The following RGS22 variants were observed in gnomAD, a reference collection of about 807,000 sequenced individuals.
The protein encoded by RGS22 is regulator of G protein signaling 22.
RGS22 carries 148 observed loss-of-function variants against 172.9 expected under a neutral mutation model. The ratio of observed to expected loss-of-function variants is 0.86; its 90% CI spans 0.75 to 0.98. RGS22 has a LOEUF of 0.98. Among genes scored for constraint, RGS22 ranks in the 50% least tolerant of loss-of-function variants. RGS22 has a pLI of 0.00. For missense variants in RGS22, 1,347 were observed against 1,440.8 expected (o/e 0.93, Z 1.05); for synonymous variants, 458 against 480.2 (o/e 0.95, Z 0.60).
chr8:100,050,397 G>C (rs1197430663), intron 10 of RGS22, among the ~76,000 whole-genome samples: 1 of 152,204 alleles, frequency 6.6e-6, no homozygotes. Flanking sequence ...CTGTATGTCT[G>C]AACAGTTCTG....
intron 14 of RGS22, among the ~76,000 whole-genome samples, chr8:100,018,922 G>C (rs368279909): frequency 6.6e-5 from 10 of 150,458 alleles, no homozygotes; most frequent in African/African-American, 2.4e-4. Context: ...ATAAGGTCTA[G>C]ATAAACATAC....
At chr8:100,083,526 C>A (rs1274419982) in intron 3 of RGS22, among the ~76,000 whole-genome samples, 1 of 151,898 alleles carries the variant, frequency 6.6e-6, no homozygotes, top group Non-Finnish European at 1.5e-5. Flanking sequence ...CACCACCATG[C>A]CAAGCTAATT....
intron 27 of RGS22, among the ~76,000 whole-genome samples, chr8:99,961,667 G>A (rs563383479): frequency 2.0e-5 from 3 of 152,264 alleles, no homozygotes; most frequent in Admixed American, 6.5e-5. Flanking sequence ...TAATACAGTT[G>A]TCATAAGGAT....
intron 14 of RGS22, among the ~76,000 whole-genome samples, chr8:100,020,789 CA>C (rs1183782689): frequency 1.3e-5 from 2 of 152,142 alleles, no homozygotes; most frequent in Non-Finnish European, 2.9e-5. Flanking sequence ...ATATTAAAAA[CA>C]AAAATAATGA....
chr8:100,080,190 C>T lies in RGS22; in HGVS notation c.283G>A (p.Val95Ile), dbSNP rs1563710603. ...TCTTCATCGGGGGCATTCATTTGAA[C>T]AGGTTTAACCTCATTCTTTCCTTTC... The part of the protein sequence containing the change: ...VRKGKNEVKP[V>I]QMNAPDEDET... The change falls in exon 4 of 28, where the codon GTT (valine) becomes ATT (isoleucine). Residue 95 changes from valine (V) to isoleucine (I), a missense_variant. Val to Ile is a conservative substitution (Grantham distance 29). Transcript: ENST00000360863. 2 of 1,613,632 alleles carry T rather than the reference C, an allele frequency of 1.2e-6. No individual in the cohort carries two copies. Among genetic ancestry groups the T allele is most frequent in the East Asian group, 4.5e-5 (2 of 44,842 alleles).
intron 17 of RGS22, 39 bp from the exon 18 acceptor site, chr8:100,002,403 T>G: frequency 6.4e-7 from 1 of 1,553,438 alleles, no homozygotes; most frequent in East Asian, 2.3e-5. Context: ...CTCTTCATAT[T>G]TCTTCCTCTA....
At chr8:100,063,064 A>T (rs1810271448) in intron 8 of RGS22, among the ~76,000 whole-genome samples, 1 of 152,184 alleles carries the variant, frequency 6.6e-6, no homozygotes, top group Admixed American at 6.5e-5. Context: ...ATTTTATGCT[A>T]GTGTGGTTAT....
At chr8:99,986,497 T>C (rs1181975594) in intron 21 of RGS22, among the ~76,000 whole-genome samples, 1 of 152,208 alleles carries the variant, frequency 6.6e-6, no homozygotes, top group East Asian at 1.9e-4. Flanking sequence ...TGCAAGGAAA[T>C]GAGCCTGCTA....
intron 14 of RGS22, among the ~76,000 whole-genome samples, chr8:100,026,648 T>C (rs1818208562): frequency 1.3e-5 from 2 of 152,218 alleles, no homozygotes; most frequent in Non-Finnish European, 2.9e-5. Flanking sequence ...TGGGTGGAGA[T>C]GTCAGGAACA....
intron 3 of RGS22, chr8:100,093,217 A>AGT (rs1387596831): frequency 9.6e-6 from 4 of 417,664 alleles, no homozygotes; most frequent in Non-Finnish European, 8.7e-6. Context: ...GTTTGTACAG[A>AGT]ATGCTTTTTA....
chr8:99,973,880 A>AC (rs1811640226), intron 23 of RGS22, among the ~76,000 whole-genome samples: 1 of 151,766 alleles, frequency 6.6e-6, no homozygotes, highest in African/African-American at 2.4e-5. Context: ...AAAAAAAAAA[A>AC]AACAAAAAAA....
At chr8:100,093,570 T>C in intron 2 of RGS22, 61 bp from the exon 3 acceptor site, 1 of 1,097,926 alleles carries the variant, frequency 9.1e-7, no homozygotes, top group Non-Finnish European at 1.4e-6. Flanking sequence ...CATGCCTATA[T>C]TATTCTCTAT....
At chr8:100,090,719 A>G (rs1349801780) in intron 3 of RGS22, among the ~76,000 whole-genome samples, 1 of 152,150 alleles carries the variant, frequency 6.6e-6, no homozygotes, top group Non-Finnish European at 1.5e-5. Context: ...TATCTCAGAG[A>G]AGAGCATGCC....
In RGS22 at chr8:99,989,901, TAGATATAG is replaced by T. The variant is rs1408766829; in HGVS notation, c.3019-2290_3019-2283del. Among the ~76,000 whole-genome samples the T allele has an allele frequency of 2.2e-3, 333 of 151,088 alleles. 1 individual carries two copies. The highest frequency in any genetic ancestry group is 6.2e-3 in the African/African-American group (254 of 41,078). The stretch of plus-strand genomic sequence containing the variant: ...ATAGATAGATAGATAGATAGATAGA[TAGATATAG>T]ATAGATAGATAGACAGATAGACAGA... On this transcript the variant is annotated intron_variant, in intron 20 of 27. Coordinates refer to ENST00000360863, the MANE Select transcript of RGS22 (RefSeq NM_015668.5).
intron 14 of RGS22, among the ~76,000 whole-genome samples, chr8:100,019,597 G>A (rs538683133): frequency 1.3e-5 from 2 of 152,258 alleles, no homozygotes; most frequent in South Asian, 2.1e-4. Flanking sequence ...CTCGTAGAGC[G>A]TATCACCAGA....
intron 9 of RGS22, among the ~76,000 whole-genome samples, chr8:100,058,010 C>T (rs890653362): frequency 6.6e-6 from 1 of 151,984 alleles, no homozygotes; most frequent in African/African-American, 2.4e-5. Context: ...ATAAATTTAA[C>T]AAAGATATTA....
chr8:99,983,184 T>C (rs966652362), intron 21 of RGS22, among the ~76,000 whole-genome samples: 6 of 152,210 alleles, frequency 3.9e-5, no homozygotes, highest in Middle Eastern at 3.2e-3. Context: ...ATGTACCACA[T>C]TTTCTTTATC....
chr8:100,035,752 T>C (rs1253142093), intron 14 of RGS22, among the ~76,000 whole-genome samples: 1 of 152,160 alleles, frequency 6.6e-6, no homozygotes, highest in Non-Finnish European at 1.5e-5. Context: ...ATGTGGCACA[T>C]ATACACCATG....
rs563172261 is a variant in RGS22, at chr8:99,990,765, C to G, written c.3019-3146G>C. Among the ~76,000 whole-genome samples the G allele has an allele frequency of 2.6e-5, 4 of 152,352 alleles. No homozygotes were observed. The East Asian group carries it at 7.7e-4, about 29-fold the overall frequency. The stretch of plus-strand genomic sequence containing the variant: ...CTGAAGAGAGCAGTGGTTCTCCCAG[C>G]ACGGCATTTGAGCTCTGAGAACGGA... On this transcript the variant is annotated intron_variant, in intron 20 of 27. Coordinates refer to ENST00000360863, the MANE Select transcript of RGS22 (RefSeq NM_015668.5).
Sources: gnomAD v4.1 joint callset for allele counts (sites outside exome capture counted in the v4.1 genomes callset) on GRCh38, gnomAD v4.1.1 for gene constraint, MANE v1.5 for transcripts, NCBI Gene and HGNC (gene_info 2026-07-23, HGNC 2026-07-21) for gene names.